The following CRB1 variants were observed in gnomAD, a reference collection of about 807,000 sequenced individuals.
CRB1 encodes the protein crumbs cell polarity complex component 1, also known as protein crumbs homolog 1.
A neutral mutation model predicts 120.0 loss-of-function variants in CRB1; 83 were observed. That is an observed-to-expected ratio of 0.69 (90% CI 0.58 to 0.83). The LOEUF (loss-of-function observed/expected upper bound fraction) is 0.83. CRB1 is among the 40% of genes least tolerant of loss of function. CRB1 has a pLI of 0.00. For synonymous variants in CRB1, 625 were observed against 612.5 expected, an observed-to-expected ratio of 1.02 and a Z score of -0.30; for missense variants, 1,699 against 1,687.6, an observed-to-expected ratio of 1.01 and a Z score of -0.12.
At chr1:197,346,031 A>G (rs985864213) in intron 3 of CRB1, among the ~76,000 whole-genome samples, 1 of 152,140 alleles carries the variant, frequency 6.6e-6, no homozygotes, top group South Asian at 2.1e-4. Context: ...ACCCTTCCAT[A>G]CTTCACTGTT....
chr1:197,405,492 C>G (rs1168813653), intron 5 of CRB1, among the ~76,000 whole-genome samples: 1 of 152,028 alleles, frequency 6.6e-6, no homozygotes, highest in African/African-American at 2.4e-5. Context: ...TCTGCCCGGC[C>G]GCCACCCCGT....
intron 8 of CRB1, among the ~76,000 whole-genome samples, chr1:197,432,985 T>A (rs1312254206): frequency 1.3e-5 from 2 of 151,988 alleles, no homozygotes; most frequent in East Asian, 3.9e-4. Context: ...TGTGAATGAA[T>A]TGGAATTGGA....
intron 11 of CRB1, among the ~76,000 whole-genome samples, chr1:197,454,310 G>T (rs1163078447): frequency 6.6e-6 from 1 of 151,844 alleles, no homozygotes; most frequent in African/African-American, 2.4e-5. Flanking sequence ...TACTTCAAAT[G>T]GAGGAAAAAT....
the CRB1 span, among the ~76,000 whole-genome samples, chr1:197,245,566 TTTATCACC>T: frequency 6.6e-6 from 1 of 152,144 alleles, no homozygotes; most frequent in African/African-American, 2.4e-5. Context: ...TTCTAACATC[TTTATCACC>T]TTGGTGTTGA....
intron 11 of CRB1, among the ~76,000 whole-genome samples, chr1:197,472,292 C>G (rs764394366): frequency 6.6e-5 from 10 of 152,174 alleles, no homozygotes; most frequent in Non-Finnish European, 1.5e-4. Flanking sequence ...GTAATTCATT[C>G]CAGTGTGGTG....
intron 5 of CRB1, among the ~76,000 whole-genome samples, chr1:197,390,869 G>A (rs4418639): frequency 0.47 from 71,857 of 151,596 alleles, 20,537 homozygotes; most frequent in South Asian, 0.68. Context: ...TTTCTAGCCC[G>A]AGGCCCTTAA....
chr1:197,363,734 G>A (rs1256537908), intron 5 of CRB1: 14 of 524,440 alleles, frequency 2.7e-5, no homozygotes, highest in Admixed American at 2.2e-4. Context: ...GCATCCTGTG[G>A]TGCCTCCTTG....
chr1:197,240,620 C>T, the CRB1 span, among the ~76,000 whole-genome samples: 8 of 152,200 alleles, frequency 5.3e-5, no homozygotes, highest in South Asian at 4.2e-4. Flanking sequence ...ATCATTGATG[C>T]GCATTTGGTT....
chr1:197,402,022 T>C (rs1484395198), intron 5 of CRB1, among the ~76,000 whole-genome samples: 1 of 152,130 alleles, frequency 6.6e-6, no homozygotes, highest in East Asian at 1.9e-4. Context: ...TTTATTATTG[T>C]TTTTCTTCTT....
At chr1:197,319,010 A>G (rs777106456) in intron 1 of CRB1, among the ~76,000 whole-genome samples, 2 of 152,132 alleles carry the variant, frequency 1.3e-5, no homozygotes, top group Non-Finnish European at 2.9e-5. Context: ...GATAAATGTT[A>G]TCAGAAATTG....
chr1:197,212,689 G>T, the CRB1 span, among the ~76,000 whole-genome samples: 1 of 152,204 alleles, frequency 6.6e-6, no homozygotes, highest in East Asian at 1.9e-4. Flanking sequence ...GGTTTCATCA[G>T]GGTGTACATA....
intron 11 of CRB1, among the ~76,000 whole-genome samples, chr1:197,460,707 T>C (rs1342641367): frequency 2.0e-5 from 3 of 152,156 alleles, no homozygotes; most frequent in Non-Finnish European, 2.9e-5. Context: ...CTCCAGTGTA[T>C]AATTTTGGTT....
intron 5 of CRB1, among the ~76,000 whole-genome samples, chr1:197,404,000 A>G (rs1663200793): frequency 6.6e-6 from 1 of 152,194 alleles, no homozygotes; most frequent in Non-Finnish European, 1.5e-5. Flanking sequence ...ACTAAACTGT[A>G]CTAGGATCTA....
chr1:197,384,548 T>A (rs1473077894), intron 5 of CRB1, among the ~76,000 whole-genome samples: 1 of 152,158 alleles, frequency 6.6e-6, no homozygotes, highest in South Asian at 2.1e-4. Context: ...GCATCTTAAA[T>A]GTATTTTCGA....
chr1:197,334,861 A>G (rs1338650121), intron 2 of CRB1, among the ~76,000 whole-genome samples: 1 of 152,254 alleles, frequency 6.6e-6, no homozygotes, highest in African/African-American at 2.4e-5. Flanking sequence ...AGAAGTGATG[A>G]CAAAGTCTCT....
At chr1:197,435,645 T>A (rs1665122495) in intron 9 of CRB1, 33 bp downstream of exon 9, 1 of 1,567,364 alleles carries the variant, frequency 6.4e-7, no homozygotes, top group Non-Finnish European at 8.7e-7. Context: ...GCTTGGTCTT[T>A]GAAGCTATAC....
intron 2 of CRB1, among the ~76,000 whole-genome samples, chr1:197,331,008 C>T (rs1037726576): frequency 2.0e-5 from 3 of 152,074 alleles, no homozygotes; most frequent in Non-Finnish European, 4.4e-5. Context: ...CTGTGAAATC[C>T]CGTCTCTACT....
At chr1:197,252,223 G>A in the CRB1 span, among the ~76,000 whole-genome samples, 1 of 151,718 alleles carries the variant, frequency 6.6e-6, no homozygotes, top group African/African-American at 2.4e-5. Context: ...TATGGACACA[G>A]AAACTTGAAT....
At chr1:197,442,586 A>C in intron 11 of CRB1, 1 of 1,369,848 alleles carries the variant, frequency 7.3e-7, no homozygotes, top group Non-Finnish European at 9.5e-7. Context: ...TCTGTGTATA[A>C]AATATTTTCC....
Sources: allele counts gnomAD v4.1 joint callset (sites outside exome capture counted in the v4.1 genomes callset), GRCh38; gene constraint gnomAD v4.1.1; transcripts MANE v1.5; gene names NCBI Gene and HGNC (gene_info 2026-07-23, HGNC 2026-07-21).